Variants in CYP27A1 observed in about 807,000 individuals in gnomAD.
CYP27A1 encodes the protein sterol 26-hydroxylase, mitochondrial.
In CYP27A1, 46 loss-of-function variants were observed where a neutral mutation model predicts 58.2. The observed-to-expected ratio is 0.79, with a 90% CI of 0.62 to 1.01. The LOEUF (loss-of-function observed/expected upper bound fraction) is 1.01. Among genes scored for constraint, CYP27A1 ranks in the 50% least tolerant of loss-of-function variants. The pLI is 0.00. For synonymous variants in CYP27A1, 274 were observed against 285.1 expected (o/e 0.96, Z 0.39); for missense variants, 704 against 687.0 (o/e 1.02, Z -0.28).
At chr2:218,801,582 A>G (rs1273539447) in intron 1 of CYP27A1, among the ~76,000 whole-genome samples, 1 of 152,002 alleles carries the variant, frequency 6.6e-6, no homozygotes, top group African/African-American at 2.4e-5. Flanking sequence ...AAGACATACC[A>G]TTTTCAACTA....
At chr2:218,814,260 T>A in intron 6 of CYP27A1, 73 bp downstream of exon 6, 2 of 1,607,884 alleles carry the variant, frequency 1.2e-6, no homozygotes, top group Non-Finnish European at 1.7e-6. Flanking sequence ...AAATCTGAAG[T>A]GAAGACAGGT....
chr2:218,796,754 C>T (rs1327434039), intron 1 of CYP27A1, among the ~76,000 whole-genome samples: 1 of 152,142 alleles, frequency 6.6e-6, no homozygotes, highest in Non-Finnish European at 1.5e-5. Flanking sequence ...TTCTTTGACT[C>T]TGAAAAACAA....
At chr2:218,794,066 G>C (rs1943522693) in intron 1 of CYP27A1, among the ~76,000 whole-genome samples, 1 of 152,192 alleles carries the variant, frequency 6.6e-6, no homozygotes, top group Admixed American at 6.5e-5. Flanking sequence ...AGTAAAGCTA[G>C]AGAGGTGCCT....
At chr2:218,809,175 C>T (rs1039242158) in intron 1 of CYP27A1, among the ~76,000 whole-genome samples, 1 of 151,928 alleles carries the variant, frequency 6.6e-6, no homozygotes, top group South Asian at 2.1e-4. Flanking sequence ...GATTTAAATA[C>T]AAAAAAAGGA....
intron 5 of CYP27A1, among the ~76,000 whole-genome samples, chr2:218,813,427 T>G (rs935542240): frequency 6.6e-6 from 1 of 152,042 alleles, no homozygotes; most frequent in Non-Finnish European, 1.5e-5. Context: ...GCACTTTCTT[T>G]CTTTTTTGTT....
chr2:218,802,069 T>C (rs1943605045), intron 1 of CYP27A1, among the ~76,000 whole-genome samples: 1 of 150,268 alleles, frequency 6.7e-6, no homozygotes, highest in Admixed American at 6.7e-5. Flanking sequence ...TCTCCCCAAA[T>C]AATCAACTAG....
intron 1 of CYP27A1, among the ~76,000 whole-genome samples, chr2:218,790,767 G>A (rs185789029): frequency 4.1e-4 from 62 of 151,338 alleles, no homozygotes; most frequent in African/African-American, 1.4e-3. Context: ...GCACGACCTC[G>A]GCTCACTGCA....
chr2:218,783,285 G>GA (rs1445048892), intron 1 of CYP27A1, among the ~76,000 whole-genome samples: 11 of 145,730 alleles, frequency 7.5e-5, no homozygotes, highest in Non-Finnish European at 1.2e-4. Context: ...AAGAAAAAAA[G>GA]AAAAAAGAAA....
At chr2:218,808,918 G>A (rs1400634378) in intron 1 of CYP27A1, among the ~76,000 whole-genome samples, 1 of 151,970 alleles carries the variant, frequency 6.6e-6, no homozygotes. Context: ...ACATAACATG[G>A]CCAGTACTTT....
chr2:218,786,918 C>G (rs1189709511), intron 1 of CYP27A1, among the ~76,000 whole-genome samples: 1 of 152,054 alleles, frequency 6.6e-6, no homozygotes, highest in African/African-American at 2.4e-5. Flanking sequence ...CATCAGCCTC[C>G]CAAGTAGTTA....
chr2:218,788,645 G>A (rs962824609), intron 1 of CYP27A1, among the ~76,000 whole-genome samples: 2 of 152,140 alleles, frequency 1.3e-5, no homozygotes, highest in East Asian at 3.8e-4. Flanking sequence ...CTAGGCCTTG[G>A]AGAAACCCTT....
chr2:218,808,780 G>A (rs1444945930), intron 1 of CYP27A1, among the ~76,000 whole-genome samples: 5 of 152,098 alleles, frequency 3.3e-5, no homozygotes, highest in African/African-American at 7.2e-5. Flanking sequence ...CCCCCAAAAC[G>A]TGTTTCTTTT....
intron 1 of CYP27A1, among the ~76,000 whole-genome samples, chr2:218,785,525 G>A (rs1192727305): frequency 6.6e-6 from 1 of 152,046 alleles, no homozygotes; most frequent in African/African-American, 2.4e-5. Context: ...GGATTTCTCA[G>A]GGGCAGATTT....
chr2:218,809,630 G>T lies in CYP27A1; in HGVS notation c.309G>T (p.Gln103His). The change falls in exon 2 of 9, where the codon CAG becomes CAT. Residue 103 changes from glutamine (Q) to histidine (H), a missense_variant. By Grantham distance (24) the Gln-to-His change is conservative (BLOSUM62 0). Coordinates refer to ENST00000258415, the MANE Select transcript of CYP27A1 (RefSeq NM_000784.4). ...TGTGGATGTCCTACTTAGGGCCTCA[G>T]ATGCACGTGAACCTGGCCAGTGCCC... ...GPMWMSYLGP[Q>H]MHVNLASAPL... The T allele has an allele frequency of 6.2e-7, 1 of 1,614,128 alleles. No homozygotes were observed. Among genetic ancestry groups the T allele is most frequent in the Non-Finnish European group, 8.5e-7 (1 of 1,180,016 alleles).
At chr2:218,800,374 G>A (rs906550283) in intron 1 of CYP27A1, among the ~76,000 whole-genome samples, 1 of 151,988 alleles carries the variant, frequency 6.6e-6, no homozygotes, top group African/African-American at 2.4e-5. Context: ...ATAAAGATAA[G>A]ACACTCCAAG....
At chr2:218,798,085 C>G (rs1358612652) in intron 1 of CYP27A1, among the ~76,000 whole-genome samples, 1 of 151,552 alleles carries the variant, frequency 6.6e-6, no homozygotes, top group Non-Finnish European at 1.5e-5. Flanking sequence ...TCACTGTAAC[C>G]TCTGCCTCCT....
At chr2:218,790,220 G>C (rs1943479071) in intron 1 of CYP27A1, among the ~76,000 whole-genome samples, 1 of 152,142 alleles carries the variant, frequency 6.6e-6, no homozygotes, top group Non-Finnish European at 1.5e-5. Flanking sequence ...AGGTTATGGT[G>C]CCTCTCATGG....
intron 5 of CYP27A1, 74 bp downstream of exon 5, chr2:218,813,170 T>G: frequency 7.2e-7 from 1 of 1,386,280 alleles, no homozygotes; most frequent in South Asian, 1.4e-5. Flanking sequence ...ATCCCTCACC[T>G]GATCCCGACC....
intron 1 of CYP27A1, among the ~76,000 whole-genome samples, chr2:218,792,693 T>G (rs748294490): frequency 2.6e-5 from 4 of 152,166 alleles, no homozygotes; most frequent in Admixed American, 1.3e-4. Flanking sequence ...ACAAGGAAAT[T>G]TGGTTATTTC....
Sources: allele counts gnomAD v4.1 joint callset (sites outside exome capture counted in the v4.1 genomes callset), GRCh38; gene constraint gnomAD v4.1.1; transcripts MANE v1.5; gene names NCBI Gene and HGNC (gene_info 2026-07-23, HGNC 2026-07-21).